Variants in PABPC4 observed in about 807,000 individuals in gnomAD.
PABPC4 encodes the protein poly(A) binding protein cytoplasmic 4.
Under a neutral mutation model 74.5 loss-of-function variants are expected in PABPC4, and 15 were observed. The ratio of observed to expected loss-of-function variants is 0.20; its 90% CI spans 0.13 to 0.31. The LOEUF (loss-of-function observed/expected upper bound fraction) is 0.31. Ranked by LOEUF, PABPC4 falls within the 10% of genes least tolerant of loss-of-function variation. The pLI is 1.00. For missense variants in PABPC4, 610 were observed against 853.5 expected (o/e 0.71, Z 3.55); for synonymous variants, 345 against 303.0 (o/e 1.14, Z -1.44).
Position 39,562,206 on chromosome 1 carries a change from A to G in PABPC4, c.1763-3T>C, listed in dbSNP as rs1413772355. 1.2e-6 allele frequency: 2 copies of G among 1,614,152 alleles called. No individual in the cohort carries two copies. The highest frequency in any genetic ancestry group is 2.2e-5 in the South Asian group (2 of 91,086). On this transcript the variant is annotated splice_polypyrimidine_tract_variant and splice_region_variant and intron_variant, in intron 13 of 15. Transcript: ENST00000372858. Reference sequence around the variant, plus strand: ...GATGAGTGGGAACAAGCGTTCTCCTATGGGGAGGATAGTTAATAAAAAAAC... The same window carrying G: ...GATGAGTGGGAACAAGCGTTCTCCTGTGGGGAGGATAGTTAATAAAAAAAC...
intron 3 of PABPC4, chr1:39,570,682 T>C (rs1384995071): frequency 6.3e-6 from 1 of 157,902 alleles, no homozygotes; most frequent in African/African-American, 2.4e-5. Flanking sequence ...CAAGGTCTGT[T>C]ATGAAGTTTT....
At chr1:39,571,759 G>C (rs1645944512) in intron 2 of PABPC4, 2 of 374,552 alleles carry the variant, frequency 5.3e-6, no homozygotes, top group Admixed American at 6.9e-5. Context: ...TGTAGTTCCA[G>C]CTACTTGGGA....
Position 39,562,311 on chromosome 1 carries a change from TG to T in PABPC4, c.1762+11del, listed in dbSNP as rs1645778231. ...GGGACCCTCTTCTTCTGCAAGCAAG[TG>T]GGTCACTCACCCAGCATCTGCTTCT... is the stretch of plus-strand genomic sequence containing the variant. On this transcript the variant is annotated intron_variant, in intron 13 of 15. Coordinates refer to ENST00000372858, the MANE Select transcript of PABPC4 (RefSeq NM_001135653.2). 2 of 1,612,656 alleles carry T rather than the reference TG, an allele frequency of 1.2e-6. No homozygotes were observed. The highest frequency in any genetic ancestry group is 2.2e-5 in the South Asian group (2 of 90,994).
At position 39,575,760 on chromosome 1, in the gene PABPC4, G is replaced by A. The variant is rs745776037; in HGVS notation, c.192C>T (p.Asp64=). 8 of 1,588,592 alleles carry A rather than the reference G, an allele frequency of 5.0e-6. No individual in the cohort carries two copies. The East Asian group carries it at 9.4e-5, about 19-fold the overall frequency. Reference sequence around the variant, plus strand: ...CGTGTGGGCACAGCTTCTACTCACCGTCGGCCGGCTGCTGGAAGTTGACGT... The same window carrying A: ...CGTGTGGGCACAGCTTCTACTCACCATCGGCCGGCTGCTGGAAGTTGACGT... ...YAYVNFQQPA[D]AERALDTMNF... Residue 64 remains aspartate, a splice_region_variant and synonymous_variant, in exon 1 of 16, where the codon GAC becomes GAT. Coordinates refer to ENST00000372858, the MANE Select transcript of PABPC4 (RefSeq NM_001135653.2).
rs772333070 is a variant in PABPC4 at position 39,564,676 on chromosome 1, C to T, written c.1333+10G>A. ...TCCTGGGCTGTCAATTACTGTTCCC[C>T]ACCACCTACCTTGAGGTCTCCCACC... On this transcript the variant is annotated intron_variant, in intron 9 of 15. Transcript: ENST00000372858. 1.2e-6 allele frequency: 2 copies of T among 1,613,666 alleles called. No individual in the cohort carries two copies. The highest frequency in any genetic ancestry group is 1.7e-6 in the Non-Finnish European group (2 of 1,179,638).
Position 39,562,602 on chromosome 1 carries a change from T to C in PABPC4, c.1669-186A>G, listed in dbSNP as rs961764325. The C allele has an allele frequency of 7.1e-5, 38 of 536,220 alleles. No homozygotes were observed. The African/African-American group carries it at 7.2e-4, about 10-fold the overall frequency. 33.2% of individuals were successfully genotyped at this position (536,220 alleles called of 1,614,324 possible). A position where few individuals can be genotyped will look rare whatever the true frequency, so the allele number is the denominator to read the frequency against. On this transcript the variant is annotated intron_variant, in intron 12 of 15. Transcript: ENST00000372858. The stretch of plus-strand genomic sequence containing the variant: ...GGGTGTGTTGAGGAACAGAGTGGTA[T>C]GGACATAAACACAACCAATTACAAT...
chr1:39,570,125 C>T, intron 3 of PABPC4, 123 bp from the exon 4 acceptor site: 1 of 950,528 alleles, frequency 1.1e-6, no homozygotes, highest in Non-Finnish European at 1.6e-6. Context: ...CCATCCACCA[C>T]CAAGGAGGCT....
chr1:39,565,013 G>T, intron 8 of PABPC4, 93 bp downstream of exon 8: 1 of 1,358,878 alleles, frequency 7.4e-7, no homozygotes, highest in Non-Finnish European at 1.0e-6. Flanking sequence ...TGACATTCTA[G>T]AACTCTAATA....
Position 39,561,543 on chromosome 1 carries a change from A to G in PABPC4, c.*13+142T>C, listed in dbSNP as rs1645769743. 4 of 640,746 alleles carry G rather than the reference A, an allele frequency of 6.2e-6. No individual in the cohort carries two copies. The East Asian group carries it at 1.1e-4, about 18-fold the overall frequency. The allele number at this position is 640,746 out of a possible 1,614,324, so 39.7% of individuals were successfully genotyped here. ...GTCCTCATGATAAGAAGTCACCTGC[A>G]ACACACTCCGTGTAACTAACTGTAC... is the stretch of plus-strand genomic sequence containing the variant. On this transcript the variant is annotated intron_variant, in intron 15 of 15. Transcript: ENST00000372858.
chr1:39,566,594 G>A (rs1489332526), intron 7 of PABPC4, among the ~76,000 whole-genome samples: 1 of 152,212 alleles, frequency 6.6e-6, no homozygotes, highest in African/African-American at 2.4e-5. Flanking sequence ...TAATGGCCCA[G>A]AGAGCCTCCT....
In PABPC4 at chr1:39,567,813, T is replaced by C. The variant is rs1372532011; in HGVS notation, c.910A>G (p.Thr304Ala). 2 of 1,599,264 alleles carry C rather than the reference T, an allele frequency of 1.3e-6. No homozygotes were observed. Among genetic ancestry groups the C allele is most frequent in the Non-Finnish European group, 1.7e-6 (2 of 1,166,498 alleles). ...TTCCTTAATTTCTCATCATCAATAG[T>C]GTCATCCAAGTTCTTAATGTAGAGA... ...VNLYIKNLDD[T>A]IDDEKLRKEF... The change falls in exon 7 of 16, where the codon ACT (threonine) becomes GCT (alanine). Residue 304 changes from threonine (T) to alanine (A), a missense_variant. This residue lies in a region of PABPC4 where 304 missense variants were observed against 478.9 expected (regional missense o/e 0.63). Coordinates refer to ENST00000372858, the MANE Select transcript of PABPC4 (RefSeq NM_001135653.2).
intron 2 of PABPC4, chr1:39,571,651 G>A (rs751299813): frequency 2.0e-6 from 1 of 511,244 alleles, no homozygotes; most frequent in Non-Finnish European, 3.8e-6. Flanking sequence ...TGCTTTGGGA[G>A]GCCAAAGCAG....
chr1:39,572,656 A>T (rs1645959185), intron 1 of PABPC4, 70 bp from the exon 2 acceptor site: 3 of 1,182,420 alleles, frequency 2.5e-6, no homozygotes, highest in African/African-American at 3.1e-5. Flanking sequence ...GCCTAAGAAC[A>T]GATTACTCCA....
rs528823559 is a variant in PABPC4 at position 39,575,900 on chromosome 1, G to A, written c.52C>T (p.Leu18=). The change falls in exon 1 of 16, where the codon CTG becomes TTG. Residue 18 remains leucine (L), a synonymous_variant. Coordinates refer to ENST00000372858, the MANE Select transcript of PABPC4 (RefSeq NM_001135653.2). ...YPMASLYVGD[L]HSDVTEAMLY... is the part of the protein sequence containing the mutation. ...ATGGCCTCGGTGACGTCCGAATGCA[G>A]GTCGCCCACGTACAGGGAGGCCATG... is the stretch of plus-strand genomic sequence containing the variant. 1.9e-5 allele frequency: 31 copies of A among 1,611,010 alleles called. No individual in the cohort carries two copies. The South Asian group carries it at 2.0e-4, about 10-fold the overall frequency.
At chr1:39,575,317 TAA>T (rs1258344877) in intron 1 of PABPC4, among the ~76,000 whole-genome samples, 3 of 152,156 alleles carry the variant, frequency 2.0e-5, no homozygotes, top group Non-Finnish European at 4.4e-5. Flanking sequence ...TCAAGGTTAG[TAA>T]AGGTGGCGGA....
intron 1 of PABPC4, among the ~76,000 whole-genome samples, chr1:39,574,020 C>T (rs1227578260): frequency 6.6e-6 from 1 of 152,176 alleles, no homozygotes; most frequent in Admixed American, 6.5e-5. Context: ...GCAGTGGAAC[C>T]TGCTCCTTGC....
intron 1 of PABPC4, among the ~76,000 whole-genome samples, chr1:39,575,277 C>A (rs116412485): frequency 0.03 from 4,500 of 152,328 alleles, 107 homozygotes; most frequent in Middle Eastern, 0.068. Flanking sequence ...CCTGCCCTGA[C>A]TGATCCTTTA....
At position 39,576,516 on chromosome 1, in the gene PABPC4, G is replaced by A. The variant is rs545370970; in HGVS notation, c.-565C>T. 6.4e-4 allele frequency: 96 copies of A among 150,186 alleles called. No homozygotes were observed. The highest frequency in any genetic ancestry group is 2.3e-3 in the African/African-American group (93 of 41,162). The allele number at this position is 150,186 out of a possible 1,614,324, so 9.3% of individuals were successfully genotyped here. A position where few individuals can be genotyped will look rare whatever the true frequency, so the allele number is the denominator to read the frequency against. On this transcript the variant is annotated 5_prime_UTR_variant, in exon 1 of 16. Transcript: ENST00000372858. The stretch of plus-strand genomic sequence containing the variant: ...GGGGCGCGGGGCTCGGGGCCCGAGC[G>A]GGGGGAGGGCACGGCGGGCCGGGCG...
chr1:39,565,752 C>G (rs768865624), intron 7 of PABPC4, among the ~76,000 whole-genome samples: 1 of 152,070 alleles, frequency 6.6e-6, no homozygotes, highest in Non-Finnish European at 1.5e-5. Context: ...CGCTTCAACC[C>G]GGGAGACAGA....
Sources: gnomAD v4.1 joint callset for allele counts (sites outside exome capture counted in the v4.1 genomes callset) on GRCh38, gnomAD v4.1.1 for gene constraint, gnomAD v4.1.1 regional missense constraint, MANE v1.5 for transcripts, NCBI Gene and HGNC (gene_info 2026-07-23, HGNC 2026-07-21) for gene names.